Variants in INPP5D observed in about 807,000 individuals in gnomAD.
INPP5D encodes the protein phosphatidylinositol 3,4,5-trisphosphate 5-phosphatase 1.
In INPP5D, 33 loss-of-function variants were observed where a neutral mutation model predicts 122.9. The observed-to-expected ratio is 0.27, with a 90% confidence interval of 0.20 to 0.36. INPP5D has a LOEUF of 0.36. Among genes scored for constraint, INPP5D ranks in the 10% least tolerant of loss-of-function variants. The probability of loss-of-function intolerance (pLI) is 1.00; values close to 1 mark genes in which losing one functional copy is unlikely to be tolerated. For missense variants in INPP5D, 1,053 were observed against 1,412.7 expected (o/e 0.75, Z 4.08); for synonymous variants, 584 against 576.2 (o/e 1.01, Z -0.19).
chr2:233,166,618 C>T (rs7558417), intron 13 of INPP5D, among the ~76,000 whole-genome samples: 48,997 of 152,082 alleles, frequency 0.32, 10,037 homozygotes, highest in Non-Finnish European at 0.45. Context: ...TTCCCCTCCT[C>T]TCTGCCCTGG....
chr2:233,114,873 T>G (rs887936455), intron 2 of INPP5D, among the ~76,000 whole-genome samples: 4 of 96,822 alleles, frequency 4.1e-5, no homozygotes, highest in Non-Finnish European at 6.5e-5. Context: ...TGTTTCCACT[T>G]TTTTTTTTTT....
chr2:233,156,368 C>T (rs1035270638), intron 9 of INPP5D, among the ~76,000 whole-genome samples: 2 of 152,250 alleles, frequency 1.3e-5, no homozygotes, highest in Admixed American at 1.3e-4. Context: ...TGGCTCACTG[C>T]AACCTCCGCC....
chr2:233,067,419 C>A (rs967907023), intron 1 of INPP5D, among the ~76,000 whole-genome samples: 1 of 152,192 alleles, frequency 6.6e-6, no homozygotes, highest in Admixed American at 6.5e-5. Context: ...TTGAAAGAAC[C>A]ACATTTTGTT....
chr2:233,191,433 A>C lies in INPP5D; in HGVS notation c.2446+1496A>C, dbSNP rs543419530. 2.2e-4 allele frequency among the ~76,000 whole-genome samples: 34 copies of C among 152,328 alleles called. No homozygotes were observed. In the South Asian group the frequency reaches 7.0e-3, roughly 32 times the overall value. ...TTGGGTGGGGACACAGCCAAACCATATCAGGGTCTGAGCGGCTGCATGAAT... is the reference window on the plus strand; with the variant it reads ...TTGGGTGGGGACACAGCCAAACCATCTCAGGGTCTGAGCGGCTGCATGAAT... On this transcript the variant is annotated intron_variant, in intron 22 of 26. Transcript: ENST00000445964.
intron 17 of INPP5D, among the ~76,000 whole-genome samples, chr2:233,172,759 T>C (rs1694522770): frequency 6.6e-6 from 1 of 152,224 alleles, no homozygotes; most frequent in Non-Finnish European, 1.5e-5. Flanking sequence ...GAAGTGTGTA[T>C]ACACAAAGCC....
chr2:233,203,357 A>T (rs1574809219), intron 25 of INPP5D, among the ~76,000 whole-genome samples: 1 of 152,180 alleles, frequency 6.6e-6, no homozygotes, highest in South Asian at 2.1e-4. Context: ...TCTGATGAGG[A>T]TGAGGGGTTG....
intron 11 of INPP5D, 38 bp from the exon 12 acceptor site, chr2:233,163,669 G>A: frequency 6.2e-7 from 1 of 1,612,426 alleles, no homozygotes; most frequent in Non-Finnish European, 8.5e-7. Context: ...GACTCGATGT[G>A]CCTTTGACTC....
chr2:233,145,330 G>A (rs886621368), intron 6 of INPP5D: 10 of 455,972 alleles, frequency 2.2e-5, no homozygotes, highest in Non-Finnish European at 2.2e-5. Flanking sequence ...ACAACTTAAC[G>A]GAGCATCTTC....
chr2:233,073,594 C>T (rs1033747284), intron 1 of INPP5D, among the ~76,000 whole-genome samples: 22 of 136,982 alleles, frequency 1.6e-4, no homozygotes, highest in African/African-American at 5.4e-4. Context: ...GAGCCGAGAT[C>T]GAGCCATTGC....
intron 3 of INPP5D, among the ~76,000 whole-genome samples, chr2:233,122,475 G>A (rs1205722295): frequency 2.0e-5 from 3 of 152,186 alleles, no homozygotes; most frequent in Non-Finnish European, 4.4e-5. Context: ...GAAATTACCT[G>A]ACCTCTCTGA....
intron 10 of INPP5D, among the ~76,000 whole-genome samples, chr2:233,159,138 C>T (rs1001699450): frequency 2.6e-5 from 4 of 152,140 alleles, no homozygotes; most frequent in African/African-American, 4.8e-5. Flanking sequence ...CACTTTGCCC[C>T]GCTCTGCAGA....
chr2:233,125,377 C>T (rs1327469444), intron 3 of INPP5D, among the ~76,000 whole-genome samples: 1 of 152,212 alleles, frequency 6.6e-6, no homozygotes, highest in Non-Finnish European at 1.5e-5. Context: ...GCCCAGGGCT[C>T]AGCCATCATG....
intron 23 of INPP5D, among the ~76,000 whole-genome samples, chr2:233,194,767 G>T (rs1157683458): frequency 6.6e-6 from 1 of 151,406 alleles, no homozygotes; most frequent in Non-Finnish European, 1.5e-5. Context: ...TGAAGTGCTG[G>T]GATTACAGAC....
intron 2 of INPP5D, among the ~76,000 whole-genome samples, chr2:233,084,986 C>T (rs559542567): frequency 6.6e-6 from 1 of 152,362 alleles, no homozygotes; most frequent in South Asian, 2.1e-4. Context: ...TATCTCAAAA[C>T]ATCTTTAGTT....
chr2:233,189,927 C>T lies in INPP5D; in HGVS notation c.2436C>T (p.Asp812=), dbSNP rs373864180. 1.3e-5 allele frequency: 21 copies of T among 1,613,376 alleles called. No homozygotes were observed. Among genetic ancestry groups the T allele is most frequent in the East Asian group, 4.5e-5 (2 of 44,870 alleles). ...TCAGCATCAAGTCCTCTGACAGCGA[C>T]GAATCCTATGGTAAGGGTCTGTGGG... is the stretch of plus-strand genomic sequence containing the variant. ...ILISIKSSDS[D]ESYGEGCIAL... is the part of the protein sequence containing the mutation. Residue 812 remains aspartate, a synonymous_variant, in exon 22 of 27, where the codon GAC becomes GAT. Transcript: ENST00000445964. The surrounding 1 kb of genome is among the most constrained non-coding windows in gnomAD (Gnocchi z 5.6).
intron 11 of INPP5D, 119 bp downstream of exon 11, chr2:233,161,945 C>A: frequency 7.0e-7 from 1 of 1,425,700 alleles, no homozygotes; most frequent in Non-Finnish European, 9.3e-7. Flanking sequence ...TGCCCCAGGG[C>A]CCTGCCCCTA....
chr2:233,184,425 A>T lies in INPP5D; in HGVS notation c.2179A>T (p.Ser727Cys). The T allele has an allele frequency of 6.2e-7, 1 of 1,614,018 alleles. No individual in the cohort carries two copies. The highest frequency in any genetic ancestry group is 8.5e-7 in the Non-Finnish European group (1 of 1,179,894). ...TGTTCCAGGTCCCGGGACTGTTGAC[A>T]GCCAAGGACAGATTGAGTTTCTCAG... The part of the protein sequence containing the change: ...VSKNGPGTVD[S>C]QGQIEFLRCY... Residue 727 changes from serine to cysteine, a missense_variant, in exon 20 of 27, where the codon AGC (serine) becomes TGC (cysteine). Coordinates refer to ENST00000445964, the MANE Select transcript of INPP5D (RefSeq NM_001017915.3).
At chr2:233,091,008 A>C (rs959967884) in intron 2 of INPP5D, among the ~76,000 whole-genome samples, 6 of 152,014 alleles carry the variant, frequency 3.9e-5, no homozygotes, top group African/African-American at 1.2e-4. Flanking sequence ...CAAGAAAGAT[A>C]CCACTGGCTG....
chr2:233,105,394 T>C lies in INPP5D; in HGVS notation c.199-16713T>C, dbSNP rs897528571. On this transcript the variant is annotated intron_variant, in intron 2 of 26. Transcript: ENST00000445964. The surrounding 1 kb of genome is among the most constrained non-coding windows in gnomAD (Gnocchi z 4.0). The stretch of plus-strand genomic sequence containing the variant: ...CTCCTATTCACCTGAAGTAGGAGCA[T>C]CTCAGCTGCAGAGTAGCTTCTTTGG... Among the ~76,000 whole-genome samples the C allele has an allele frequency of 6.6e-6, 1 of 152,202 alleles. No individual in the cohort carries two copies. The highest frequency in any genetic ancestry group is 6.5e-5 in the Admixed American group (1 of 15,282).
Sources: allele counts gnomAD v4.1 joint callset (sites outside exome capture counted in the v4.1 genomes callset), GRCh38; gene constraint gnomAD v4.1.1; non-coding constraint Gnocchi (gnomAD v3.1); transcripts MANE v1.5; gene names NCBI Gene and HGNC (gene_info 2026-07-23, HGNC 2026-07-21).